The following SMIM14 variants were observed in gnomAD, a reference collection of about 807,000 sequenced individuals.
SMIM14 encodes small integral membrane protein 14.
Under a neutral mutation model 12.6 loss-of-function variants are expected in SMIM14, and 5 were observed. The ratio of observed to expected loss-of-function variants is 0.40; its 90% confidence interval spans 0.21 to 0.83. SMIM14 has a LOEUF of 0.83. Ranked by LOEUF, SMIM14 falls within the 40% of genes least tolerant of loss-of-function variation. The pLI, the probability that SMIM14 is intolerant of heterozygous loss-of-function variation, is 0.37. For missense variants in SMIM14, 86 were observed against 119.1 expected (o/e 0.72, Z 1.29); for synonymous variants, 30 against 40.1 (o/e 0.75, Z 0.95).
intron 3 of SMIM14, among the ~76,000 whole-genome samples, chr4:39,560,250 C>CTTTTTTTTTTT (rs773257583): frequency 1.4e-5 from 2 of 140,760 alleles, no homozygotes; most frequent in Non-Finnish European, 1.5e-5. Flanking sequence ...CTTTTCTTTT[C>CTTTTTTTTTTT]TTTTTTTTTT....
At chr4:39,592,361 C>A (rs188998033) in intron 2 of SMIM14, among the ~76,000 whole-genome samples, 3 of 150,880 alleles carry the variant, frequency 2.0e-5, no homozygotes, top group African/African-American at 7.3e-5. Flanking sequence ...CCTCTGCCTC[C>A]GAAAGTGCTG....
At chr4:39,594,094 A>G (rs1427994427) in intron 2 of SMIM14, 5 of 152,192 alleles carry the variant, frequency 3.3e-5, no homozygotes, top group Admixed American at 3.3e-4. Context: ...CGCATTGCCA[A>G]GTCAATCCCA....
intron 2 of SMIM14, among the ~76,000 whole-genome samples, chr4:39,575,607 T>A (rs1713125732): frequency 6.6e-6 from 1 of 151,992 alleles, no homozygotes; most frequent in Non-Finnish European, 1.5e-5. Context: ...GTTTTTAAGA[T>A]AGGGTCTTGC....
intron 1 of SMIM14, among the ~76,000 whole-genome samples, chr4:39,631,290 C>G (rs1185803612): frequency 6.6e-6 from 1 of 150,774 alleles, no homozygotes; most frequent in Non-Finnish European, 1.5e-5. Flanking sequence ...TGAGATCGTG[C>G]CACTGCACTC....
At chr4:39,611,122 T>C (rs1447140829) in intron 1 of SMIM14, among the ~76,000 whole-genome samples, 1 of 152,208 alleles carries the variant, frequency 6.6e-6, no homozygotes. Context: ...GAGCGAAGAT[T>C]ACATTCACAG....
intron 2 of SMIM14, among the ~76,000 whole-genome samples, chr4:39,582,180 T>A (rs979215725): frequency 2.6e-4 from 39 of 152,078 alleles, no homozygotes; most frequent in African/African-American, 9.4e-4. Context: ...CTAGCAAATG[T>A]CTTTTCTTAG....
At chr4:39,593,306 A>C (rs1355277251) in intron 2 of SMIM14, 1 of 152,248 alleles carries the variant, frequency 6.6e-6, no homozygotes, top group Admixed American at 6.5e-5. Flanking sequence ...CAAAAACCAC[A>C]TGATTATCTC....
At chr4:39,606,117 G>A (rs1372000311) in intron 1 of SMIM14, among the ~76,000 whole-genome samples, 5 of 152,030 alleles carry the variant, frequency 3.3e-5, no homozygotes, top group South Asian at 4.1e-4. Context: ...AGGCTGAGGC[G>A]GGAGGATCAC....
At chr4:39,587,494 TCAAA>T (rs1303154108) in intron 2 of SMIM14, among the ~76,000 whole-genome samples, 1 of 23,482 alleles carries the variant, frequency 4.3e-5, no homozygotes, top group Admixed American at 8.6e-4. Context: ...AGGCTCCATC[TCAAA>T]AAAAAAAAAA....
chr4:39,599,578 A>G (rs946332205), intron 2 of SMIM14, among the ~76,000 whole-genome samples: 1 of 152,116 alleles, frequency 6.6e-6, no homozygotes, highest in Non-Finnish European at 1.5e-5. Context: ...TGGATTCTGG[A>G]TGTATTTTTA....
chr4:39,634,684 A>G (rs1387623319), intron 1 of SMIM14, among the ~76,000 whole-genome samples: 3 of 152,236 alleles, frequency 2.0e-5, no homozygotes, highest in African/African-American at 4.8e-5. Context: ...ATCACCTGAC[A>G]GATTTATTGA....
intron 2 of SMIM14, among the ~76,000 whole-genome samples, chr4:39,575,416 G>A (rs1033246667): frequency 1.3e-5 from 2 of 151,660 alleles, no homozygotes; most frequent in Non-Finnish European, 2.9e-5. Context: ...GGCTGGTCTC[G>A]AACTCCTGAG....
At chr4:39,632,476 C>T (rs1715938301) in intron 1 of SMIM14, among the ~76,000 whole-genome samples, 1 of 76,148 alleles carries the variant, frequency 1.3e-5, no homozygotes, top group Non-Finnish European at 2.3e-5. Flanking sequence ...GAGACTCCGT[C>T]TCAAAAAAAA....
chr4:39,568,803 T>C (rs942427447), intron 3 of SMIM14, among the ~76,000 whole-genome samples: 1 of 152,208 alleles, frequency 6.6e-6, no homozygotes, highest in Non-Finnish European at 1.5e-5. Flanking sequence ...ATTCTATCCC[T>C]CACAGTAAAC....
intron 1 of SMIM14, among the ~76,000 whole-genome samples, chr4:39,629,378 A>G (rs1450817503): frequency 1.0e-5 from 1 of 98,524 alleles, no homozygotes; most frequent in Non-Finnish European, 2.2e-5. Flanking sequence ...AAAAAAAAAA[A>G]GATACATATA....
chr4:39,615,096 G>GA (rs1226382313), intron 1 of SMIM14, among the ~76,000 whole-genome samples: 18 of 149,800 alleles, frequency 1.2e-4, no homozygotes, highest in Non-Finnish European at 1.5e-5. Flanking sequence ...TCTCTAAAAT[G>GA]TTTTTTTTTT....
intron 2 of SMIM14, among the ~76,000 whole-genome samples, chr4:39,592,522 T>G (rs1300467623): frequency 6.6e-6 from 1 of 152,186 alleles, no homozygotes; most frequent in Non-Finnish European, 1.5e-5. Flanking sequence ...TTTATAGATT[T>G]TTTAAAACAT....
chr4:39,608,160 ATACCT>A (rs1385139959), intron 1 of SMIM14, among the ~76,000 whole-genome samples: 1 of 152,230 alleles, frequency 6.6e-6, no homozygotes, highest in Non-Finnish European at 1.5e-5. Flanking sequence ...TCATAGGTAT[ATACCT>A]AAGAGATTTG....
intron 4 of SMIM14, 42 bp from the exon 5 acceptor site, chr4:39,552,200 A>G (rs747531832): frequency 2.0e-6 from 3 of 1,473,822 alleles, no homozygotes; most frequent in Admixed American, 4.6e-5. Flanking sequence ...GACTTTTTAA[A>G]AATTCAAAAA....
Sources: gnomAD v4.1 joint callset for allele counts (sites outside exome capture counted in the v4.1 genomes callset) on GRCh38, gnomAD v4.1.1 for gene constraint, MANE v1.5 for transcripts, NCBI Gene and HGNC (gene_info 2026-07-23, HGNC 2026-07-21) for gene names.